The following SHC4 variants were observed in gnomAD, a reference collection of about 807,000 sequenced individuals.
SHC4 encodes the protein SHC-transforming protein 4.
A neutral mutation model predicts 69.4 loss-of-function variants in SHC4; 41 were observed. That is an observed-to-expected ratio of 0.59 (90% CI 0.46 to 0.77). The LOEUF is 0.77. Among genes scored for constraint, SHC4 ranks in the 30% least tolerant of loss-of-function variants. The pLI is 0.00. For missense variants in SHC4, 777 were observed against 783.8 expected, an observed-to-expected ratio of 0.99 and a Z score of 0.10; for synonymous variants, 318 against 299.3, an observed-to-expected ratio of 1.06 and a Z score of -0.64.
intron 8 of SHC4, 52 bp downstream of exon 8, chr15:48,855,901 G>A: frequency 4.6e-6 from 7 of 1,536,318 alleles, no homozygotes; most frequent in South Asian, 1.3e-5. Context: ...ATGCTCTAGT[G>A]ATAAGGGCAG....
chr15:48,857,502 T>C (rs1376252562), intron 7 of SHC4, among the ~76,000 whole-genome samples, 190 bp downstream of exon 7: 1 of 152,146 alleles, frequency 6.6e-6, no homozygotes, highest in Non-Finnish European at 1.5e-5. Flanking sequence ...TATAACTGGA[T>C]AAATATGAAT....
intron 9 of SHC4, among the ~76,000 whole-genome samples, chr15:48,844,896 A>T (rs1032579507): frequency 6.6e-6 from 1 of 152,182 alleles, no homozygotes; most frequent in African/African-American, 2.4e-5. Context: ...TGGAAATGTG[A>T]GTCCATTAAA....
chr15:48,885,587 G>T (rs1216365660), intron 3 of SHC4, among the ~76,000 whole-genome samples: 1 of 152,184 alleles, frequency 6.6e-6, no homozygotes, highest in Non-Finnish European at 1.5e-5. Flanking sequence ...CTCAGCATAT[G>T]AATCAATACT....
chr15:48,943,943 C>T lies in SHC4; in HGVS notation c.585+18488G>A, dbSNP rs138935549. ...CTGAGAAATGGCAGTTTTTAAGCTG[C>T]GTACATTGGGGATCTGTTAGTAAGG... is the stretch of plus-strand genomic sequence containing the variant. On this transcript the variant is annotated intron_variant, in intron 1 of 11. Transcript: ENST00000332408. Among the ~76,000 whole-genome samples the T allele has an allele frequency of 3.3e-5, 5 of 151,720 alleles. No individual in the cohort carries two copies. In the East Asian group the frequency reaches 7.9e-4, roughly 24 times the overall value.
intron 2 of SHC4, among the ~76,000 whole-genome samples, chr15:48,895,171 A>G (rs1900203212): frequency 6.6e-6 from 1 of 152,100 alleles, no homozygotes; most frequent in African/African-American, 2.4e-5. Flanking sequence ...ACATCATTTC[A>G]TTGAGTCATA....
intron 2 of SHC4, among the ~76,000 whole-genome samples, chr15:48,896,820 C>T (rs1211397510): frequency 6.6e-6 from 1 of 152,238 alleles, no homozygotes; most frequent in Non-Finnish European, 1.5e-5. Flanking sequence ...AGATAGATGC[C>T]TACATTTTGT....
At chr15:48,851,544 C>A (rs1196459189) in intron 8 of SHC4, among the ~76,000 whole-genome samples, 2 of 152,100 alleles carry the variant, frequency 1.3e-5, no homozygotes, top group African/African-American at 4.8e-5. Flanking sequence ...TGCCAGAACT[C>A]AATCCAAGTC....
intron 2 of SHC4, among the ~76,000 whole-genome samples, chr15:48,921,320 G>A (rs1317592880): frequency 1.3e-5 from 2 of 149,486 alleles, no homozygotes; most frequent in Non-Finnish European, 3.0e-5. Flanking sequence ...AAGAGGAAAT[G>A]GGAAGTTATC....
rs558486021 is a variant in SHC4, at chr15:48,963,786, G to A, written c.-771C>T. ...TTCCCTCCCTCCTGGATTCCTCTCG[G>A]AGCTTTTTTCAGAAGCCCATTTGCA... On this transcript the variant is annotated 5_prime_UTR_variant, in exon 1 of 12. Transcript: ENST00000332408. Among the ~76,000 whole-genome samples, 2 of 152,268 alleles carry A rather than the reference G, an allele frequency of 1.3e-5. No homozygotes were observed. Among genetic ancestry groups the A allele is most frequent in the South Asian group, 4.1e-4 (2 of 4,826 alleles).
chr15:48,923,636 T>TA (rs35450505), intron 2 of SHC4, among the ~76,000 whole-genome samples: 2 of 35,596 alleles, frequency 5.6e-5, no homozygotes, highest in Non-Finnish European at 1.1e-4. Flanking sequence ...CTACTCAGTC[T>TA]TTTTTTTTTT....
chr15:48,835,163 G>T, intron 10 of SHC4, 141 bp from the exon 11 acceptor site: 1 of 1,151,502 alleles, frequency 8.7e-7, no homozygotes. Context: ...GGGAACAAAT[G>T]AGGTTTTTGT....
intron 1 of SHC4, among the ~76,000 whole-genome samples, chr15:48,930,886 C>A (rs1441462507): frequency 2.0e-5 from 3 of 152,170 alleles, no homozygotes; most frequent in Non-Finnish European, 4.4e-5. Context: ...GTCTCACTTT[C>A]TTCCTTTCAC....
At chr15:48,844,927 C>T (rs564947839) in intron 9 of SHC4, among the ~76,000 whole-genome samples, 2 of 152,318 alleles carry the variant, frequency 1.3e-5, no homozygotes, top group Admixed American at 6.5e-5. Context: ...TTACAAATTA[C>T]CCAGTCTTGG....
chr15:48,869,035 A>G (rs753506160), intron 5 of SHC4, among the ~76,000 whole-genome samples: 51 of 152,232 alleles, frequency 3.4e-4, no homozygotes, highest in Admixed American at 8.5e-4. Context: ...ACCTCTACAG[A>G]CCTCAGTTTT....
At chr15:48,878,882 G>T in intron 4 of SHC4, 1 of 661,836 alleles carries the variant, frequency 1.5e-6, no homozygotes, top group Non-Finnish European at 2.6e-6. Flanking sequence ...AACACAATAG[G>T]ACAGTGACTG....
At chr15:48,846,093 G>A (rs900801312) in intron 9 of SHC4, among the ~76,000 whole-genome samples, 2 of 151,942 alleles carry the variant, frequency 1.3e-5, no homozygotes, top group African/African-American at 2.4e-5. Flanking sequence ...CGAACTCCTA[G>A]GTTAAAGTGA....
At chr15:48,936,118 AC>A (rs1256100243) in intron 1 of SHC4, among the ~76,000 whole-genome samples, 1 of 152,068 alleles carries the variant, frequency 6.6e-6, no homozygotes, top group Non-Finnish European at 1.5e-5. Flanking sequence ...AACATAGTAG[AC>A]CCTCCAAATA....
At chr15:48,932,769 A>G (rs1900992754) in intron 1 of SHC4, among the ~76,000 whole-genome samples, 1 of 152,124 alleles carries the variant, frequency 6.6e-6, no homozygotes, top group African/African-American at 2.4e-5. Flanking sequence ...CAGACCTTTA[A>G]TAAAACTTCC....
intron 6 of SHC4, among the ~76,000 whole-genome samples, chr15:48,864,867 C>T (rs1435601777): frequency 6.6e-6 from 1 of 152,180 alleles, no homozygotes; most frequent in African/African-American, 2.4e-5. Flanking sequence ...GACCTCCTGG[C>T]CAGTATTCAA....
Sources: allele counts gnomAD v4.1 joint callset (sites outside exome capture counted in the v4.1 genomes callset), GRCh38; gene constraint gnomAD v4.1.1; transcripts MANE v1.5; gene names NCBI Gene and HGNC (gene_info 2026-07-23, HGNC 2026-07-21).